TMED4: variants seen among roughly 807,000 people sequenced by gnomAD.
The protein encoded by TMED4 is transmembrane emp24 domain-containing protein 4.
TMED4 carries 19 observed loss-of-function variants against 26.5 expected under a neutral mutation model. The ratio of observed to expected loss-of-function variants is 0.72; its 90% CI spans 0.50 to 1.05. The LOEUF (loss-of-function observed/expected upper bound fraction) is 1.05. Among genes scored for constraint, TMED4 ranks in the 50% least tolerant of loss-of-function variants. The pLI is 0.00. For synonymous variants in TMED4, 121 were observed against 119.8 expected (o/e 1.01, Z -0.07); for missense variants, 303 against 302.5 (o/e 1.00, Z -0.01).
In TMED4 at chr7:44,578,397, A is replaced by G. The variant is rs1802878706; in HGVS notation, c.*1082T>C. 1 of 152,242 alleles carries G rather than the reference A, an allele frequency of 6.6e-6. No individual in the cohort carries two copies. The highest frequency in any genetic ancestry group is 6.5e-5 in the Admixed American group (1 of 15,276). The allele number at this position is 152,242 out of a possible 1,614,324, so 9.4% of individuals were successfully genotyped here. A position where few individuals can be genotyped will look rare whatever the true frequency, so the allele number is the denominator to read the frequency against. On this transcript the variant is annotated 3_prime_UTR_variant, in exon 5 of 5. Transcript: ENST00000457408. The stretch of plus-strand genomic sequence containing the variant: ...GAAAACATTTAGCACAGCTTAAATA[A>G]AAGTTGAGAAGGAGGGTAAGAGTGC...
chr7:44,582,212 C>G lies in TMED4; in HGVS notation c.-6G>C. On this transcript the variant is annotated 5_prime_UTR_variant, in exon 1 of 5. Transcript: ENST00000457408. Reference sequence around the variant, plus strand: ...CCAGCCCCGACACCTGCCATCGCGCCTCAGCCCCTAAGCGCCTGCGCACAT... The same window carrying G: ...CCAGCCCCGACACCTGCCATCGCGCGTCAGCCCCTAAGCGCCTGCGCACAT... The G allele has an allele frequency of 6.5e-7, 1 of 1,540,310 alleles. No individual in the cohort carries two copies. The highest frequency in any genetic ancestry group is 1.2e-5 in the South Asian group (1 of 83,934).
intron 4 of TMED4, 165 bp downstream of exon 4, chr7:44,580,928 A>G: frequency 1.3e-6 from 1 of 749,790 alleles, no homozygotes. Context: ...AGCATGGGCA[A>G]CAAGAGTGAA....
In TMED4 at chr7:44,581,815, G is replaced by A; in HGVS notation, c.169C>T (p.Arg57Cys). Residue 57 changes from arginine (R) to cysteine (C), a missense_variant, in exon 2 of 5, where the codon CGT becomes TGT. Arg to Cys is a radical substitution (Grantham distance 180). Transcript: ENST00000457408. Reference protein sequence around the residue: ...PDETMVIGNYRTQMWDKQKEV... With the variant: ...PDETMVIGNYCTQMWDKQKEV... ...TTCTGCTTATCCCACATCTGGGTACGATAGTTGCCTGCGGGGCAGACACAT... is the reference window on the plus strand; with the variant it reads ...TTCTGCTTATCCCACATCTGGGTACAATAGTTGCCTGCGGGGCAGACACAT... 6.2e-7 allele frequency: 1 copy of A among 1,614,170 alleles called. No homozygotes were observed. The highest frequency in any genetic ancestry group is 8.5e-7 in the Non-Finnish European group (1 of 1,180,026).
rs1802972573 is a variant in TMED4, at chr7:44,581,128, C to T, written c.499G>A (p.Val167Met). Reference protein sequence around the residue: ...QLRARQLLDQVEQIQKEQDYQ... With the variant: ...QLRARQLLDQMEQIQKEQDYQ... ...TCCTGCTCCTTCTGAATCTGTTCCA[C>T]CTGATCAAGCAACTGGCGGGCGCGG... Residue 167 changes from valine to methionine, a missense_variant, in exon 4 of 5, where the codon GTG becomes ATG. Transcript: ENST00000457408. The T allele has an allele frequency of 2.5e-6, 4 of 1,614,166 alleles. No homozygotes were observed. The highest frequency in any genetic ancestry group is 3.4e-6 in the Non-Finnish European group (4 of 1,180,046).
intron 1 of TMED4, 111 bp downstream of exon 1, chr7:44,581,936 C>G: frequency 6.4e-7 from 1 of 1,557,042 alleles, no homozygotes; most frequent in East Asian, 2.3e-5. Context: ...CTCGGGGCAC[C>G]CTCAGGCTAG....
intron 2 of TMED4, 52 bp downstream of exon 2, chr7:44,581,671 C>A (rs748113914): frequency 1.2e-6 from 2 of 1,613,604 alleles, no homozygotes; most frequent in South Asian, 1.1e-5. Context: ...GTGCTTTACA[C>A]CCCACGGGAG....
In TMED4 at chr7:44,581,528, G is replaced by A; in HGVS notation, c.308C>T (p.Thr103Ile). Reference protein sequence around the residue: ...QYGSEGRFTFTSHTPGDHQIC... With the variant: ...QYGSEGRFTFISHTPGDHQIC... ...TTGATGGTCACCGGGCGTGTGGGAGGTGAACGTGAAGCGGCCCTCCGAGCC... is the reference window on the plus strand; with the variant it reads ...TTGATGGTCACCGGGCGTGTGGGAGATGAACGTGAAGCGGCCCTCCGAGCC... Residue 103 changes from threonine to isoleucine, a missense_variant, in exon 3 of 5, where the codon ACC (threonine) becomes ATC (isoleucine). Transcript: ENST00000457408. 2 of 1,614,216 alleles carry A rather than the reference G, an allele frequency of 1.2e-6. No individual in the cohort carries two copies. The highest frequency in any genetic ancestry group is 1.7e-6 in the Non-Finnish European group (2 of 1,180,044).
At position 44,582,037 on chromosome 7, in the gene TMED4, C is replaced by A. The variant is rs767178029; in HGVS notation, c.160+10G>T. On this transcript the variant is annotated intron_variant, in intron 1 of 4. Transcript: ENST00000457408. ...GTACAAAGGGCCTCCCCACCCTCAGCCCGCCTGACCGATGACCATGGTCTC... is the reference window on the plus strand; with the variant it reads ...GTACAAAGGGCCTCCCCACCCTCAGACCGCCTGACCGATGACCATGGTCTC... 7.1e-6 allele frequency: 11 copies of A among 1,552,316 alleles called. No homozygotes were observed. The African/African-American group carries it at 9.6e-5, about 14-fold the overall frequency.
At chr7:44,580,875 G>A in intron 4 of TMED4, 1 of 485,860 alleles carries the variant, frequency 2.1e-6, no homozygotes, top group African/African-American at 2.0e-5. Flanking sequence ...TGAACCTGGG[G>A]AGGCGGAGGT....
At chr7:44,580,929 CAAGAGTG>C (rs1293733779) in intron 4 of TMED4, 157 bp downstream of exon 4, 6 of 763,412 alleles carry the variant, frequency 7.9e-6, no homozygotes, top group Non-Finnish European at 1.2e-5. Flanking sequence ...GCATGGGCAA[CAAGAGTG>C]AAACTCCGTC....
chr7:44,580,477 C>T lies in TMED4; in HGVS notation c.534+616G>A, dbSNP rs145980896. The stretch of plus-strand genomic sequence containing the variant: ...TGGGCAACAGAGCGAGACTCCATCT[C>T]AAAAACAAAACAAAATAAGTACAGA... On this transcript the variant is annotated intron_variant, in intron 4 of 4. Coordinates refer to ENST00000457408, the MANE Select transcript of TMED4 (RefSeq NM_182547.4). 9.5e-3 allele frequency: 1,446 copies of T among 152,430 alleles called. 12 individuals carry two copies. The highest frequency in any genetic ancestry group is 0.014 in the Admixed American group (217 of 15,294). The allele number at this position is 152,430 out of a possible 1,614,324, so 9.4% of individuals were successfully genotyped here. A position where few individuals can be genotyped will look rare whatever the true frequency, so the allele number is the denominator to read the frequency against.
chr7:44,581,625 G>C (rs749377350), intron 2 of TMED4, 51 bp from the exon 3 acceptor site: 2 of 1,614,034 alleles, frequency 1.2e-6, no homozygotes, highest in Non-Finnish European at 1.7e-6. Flanking sequence ...GGCTCTCCAA[G>C]TGCAAGTTCC....
rs781547202 is a variant in TMED4, at chr7:44,582,119, G to C, written c.88C>G (p.Leu30Val). ...LALCATGAQGLYFHIGETEKR... is the reference protein window; with the variant it reads ...LALCATGAQGVYFHIGETEKR... Reference sequence around the variant, plus strand: ...TCGGTCTCGCCGATGTGGAAGTAGAGCCCCTGGGCGCCTGTGGCGCACAGC... The same window carrying C: ...TCGGTCTCGCCGATGTGGAAGTAGACCCCCTGGGCGCCTGTGGCGCACAGC... The change falls in exon 1 of 5, where the codon CTC becomes GTC. Residue 30 changes from leucine (L) to valine (V), a missense_variant. Physicochemically the swap from Leu to Val is conservative, Grantham distance 32. Transcript: ENST00000457408. 7.1e-6 allele frequency: 11 copies of C among 1,555,676 alleles called. No individual in the cohort carries two copies. In the Admixed American group the frequency reaches 1.8e-4, roughly 25 times the overall value.
chr7:44,581,320 C>T (rs1802983480), intron 3 of TMED4, 81 bp from the exon 4 acceptor site: 2 of 1,598,402 alleles, frequency 1.3e-6, no homozygotes, highest in Admixed American at 3.4e-5. Context: ...TTGTCCCTGG[C>T]TGTGGAGCAG....
Position 44,581,842 on chromosome 7 carries a change from G to A in TMED4, c.161-19C>T. On this transcript the variant is annotated intron_variant, in intron 1 of 4. Coordinates refer to ENST00000457408, the MANE Select transcript of TMED4 (RefSeq NM_182547.4). Reference sequence around the variant, plus strand: ...TAGTTGCCTGCGGGGCAGACACATAGTCACGACCGGCCCTAGTGGGCCGCC... The same window carrying A: ...TAGTTGCCTGCGGGGCAGACACATAATCACGACCGGCCCTAGTGGGCCGCC... 1 of 1,612,942 alleles carries A rather than the reference G, an allele frequency of 6.2e-7. No individual in the cohort carries two copies. Among genetic ancestry groups the A allele is most frequent in the Non-Finnish European group, 8.5e-7 (1 of 1,179,096 alleles).
rs767268078 is a variant in TMED4, at chr7:44,581,838, C to A, written c.161-15G>T. 1 of 1,613,328 alleles carries A rather than the reference C, an allele frequency of 6.2e-7. No homozygotes were observed. Reference sequence around the variant, plus strand: ...ACGATAGTTGCCTGCGGGGCAGACACATAGTCACGACCGGCCCTAGTGGGC... The same window carrying A: ...ACGATAGTTGCCTGCGGGGCAGACAAATAGTCACGACCGGCCCTAGTGGGC... On this transcript the variant is annotated splice_polypyrimidine_tract_variant and intron_variant, in intron 1 of 4. Transcript: ENST00000457408.
intron 2 of TMED4, 52 bp downstream of exon 2, chr7:44,581,671 C>T (rs748113914): frequency 1.1e-5 from 17 of 1,613,604 alleles, no homozygotes; most frequent in East Asian, 2.2e-5. Flanking sequence ...GTGCTTTACA[C>T]CCCACGGGAG....
chr7:44,581,017 C>T (rs762630263), intron 4 of TMED4, 76 bp downstream of exon 4: 19 of 1,521,838 alleles, frequency 1.2e-5, no homozygotes, highest in Non-Finnish European at 1.7e-5. Flanking sequence ...GCTGATCTCC[C>T]AAGCAGAAAC....
chr7:44,579,751 C>CTAATGGAGTCACAG, intron 4 of TMED4, 123 bp from the exon 5 acceptor site: 1 of 1,042,170 alleles, frequency 9.6e-7, no homozygotes, highest in Non-Finnish European at 1.4e-6. Flanking sequence ...TCTGTGACTC[C>CTAATGGAGTCACAG]ATTAGGAGTG....
Sources: allele counts gnomAD v4.1 joint callset, GRCh38; gene constraint gnomAD v4.1.1; transcripts MANE v1.5; gene names NCBI Gene and HGNC (gene_info 2026-07-23, HGNC 2026-07-21).